The following EIF4G3 variants were observed in gnomAD, a reference collection of about 807,000 sequenced individuals.
EIF4G3 encodes the protein eukaryotic translation initiation factor 4 gamma 3.
In EIF4G3, 34 loss-of-function variants were observed where a neutral mutation model predicts 186.4. That is an observed-to-expected ratio of 0.18 (90% CI 0.14 to 0.24). The LOEUF (loss-of-function observed/expected upper bound fraction) is 0.24. Among genes scored for constraint, EIF4G3 ranks in the 10% least tolerant of loss-of-function variants. The pLI is 1.00. For missense variants in EIF4G3, 1,536 were observed against 1,948.5 expected, an observed-to-expected ratio of 0.79 and a Z score of 3.99; for synonymous variants, 673 against 679.5, an observed-to-expected ratio of 0.99 and a Z score of 0.15.
At chr1:21,088,729 G>C (rs1016260593) in intron 3 of EIF4G3, among the ~76,000 whole-genome samples, 3 of 152,188 alleles carry the variant, frequency 2.0e-5, no homozygotes, top group East Asian at 3.9e-4. Flanking sequence ...GCCAGGTGTG[G>C]TGGCACGTGC....
chr1:21,115,300 A>G (rs2096797458), intron 2 of EIF4G3, among the ~76,000 whole-genome samples: 1 of 152,200 alleles, frequency 6.6e-6, no homozygotes, highest in Non-Finnish European at 1.5e-5. Context: ...GGAAAGAGCA[A>G]GGTCCATGGG....
chr1:21,135,748 T>A (rs1048489951), intron 2 of EIF4G3, among the ~76,000 whole-genome samples: 1 of 152,168 alleles, frequency 6.6e-6, no homozygotes, highest in African/African-American at 2.4e-5. Context: ...CATGTATAAC[T>A]AATATGGGTA....
At chr1:20,965,508 T>C (rs975803895) in intron 12 of EIF4G3, among the ~76,000 whole-genome samples, 13 of 152,312 alleles carry the variant, frequency 8.5e-5, no homozygotes, top group African/African-American at 3.1e-4. Flanking sequence ...AGTCCTTATC[T>C]AGTTAGTAAC....
chr1:20,845,178 T>C (rs1265009579), intron 29 of EIF4G3, among the ~76,000 whole-genome samples: 9 of 152,212 alleles, frequency 5.9e-5, no homozygotes, highest in Non-Finnish European at 7.3e-5. Context: ...CGCTTATGAC[T>C]AGCCAGGTAT....
intron 3 of EIF4G3, among the ~76,000 whole-genome samples, chr1:21,080,511 C>T (rs1048645637): frequency 7.9e-5 from 12 of 151,646 alleles, no homozygotes; most frequent in African/African-American, 2.9e-4. Flanking sequence ...TTCTTTCTTC[C>T]TTTATTTTTT....
At chr1:20,837,453 C>T (rs2067094064) in intron 30 of EIF4G3, among the ~76,000 whole-genome samples, 1 of 152,180 alleles carries the variant, frequency 6.6e-6, no homozygotes, top group African/African-American at 2.4e-5. Context: ...ATCCACCTGC[C>T]TCGGCCTCCC....
chr1:20,812,158 C>T (rs1168718428), intron 35 of EIF4G3, among the ~76,000 whole-genome samples: 3 of 152,160 alleles, frequency 2.0e-5, no homozygotes, highest in Non-Finnish European at 2.9e-5. Flanking sequence ...CATCGTGGCT[C>T]ATGCCTGTAA....
At chr1:21,114,329 T>C (rs1469778442) in intron 2 of EIF4G3, among the ~76,000 whole-genome samples, 8 of 152,082 alleles carry the variant, frequency 5.3e-5, no homozygotes, top group African/African-American at 1.9e-4. Flanking sequence ...GTATTTTTAG[T>C]AGAGACGGGG....
chr1:20,892,648 G>A lies in EIF4G3; in HGVS notation c.2253+869C>T, dbSNP rs985917645. 17 of 1,536,008 alleles carry A rather than the reference G, an allele frequency of 1.1e-5. No individual in the cohort carries two copies. In the Admixed American group the frequency reaches 2.4e-4, roughly 21 times the overall value. ...AGAGGCAGGCTCTTCATGGGTGGGT[G>A]TGACATCACCAGTGGAGGGCAAGTT... On this transcript the variant is annotated intron_variant, in intron 18 of 36. Transcript: ENST00000602326.
intron 19 of EIF4G3, among the ~76,000 whole-genome samples, chr1:20,882,925 C>CA (rs2082862066): frequency 1.3e-5 from 2 of 150,594 alleles, no homozygotes; most frequent in East Asian, 2.0e-4. Context: ...CTGGTCTCTA[C>CA]AAAAAAATCA....
At chr1:20,828,029 G>GTTTT (rs67354523) in intron 31 of EIF4G3, among the ~76,000 whole-genome samples, 20 of 127,394 alleles carry the variant, frequency 1.6e-4, no homozygotes, top group Admixed American at 2.4e-4. Flanking sequence ...CTTTTATAAA[G>GTTTT]TTTTTTTTTT....
intron 14 of EIF4G3, among the ~76,000 whole-genome samples, chr1:20,932,945 C>T (rs1188768253): frequency 6.6e-6 from 1 of 152,028 alleles, no homozygotes; most frequent in Non-Finnish European, 1.5e-5. Context: ...AAGAGAAGTG[C>T]AATAAAATGA....
chr1:21,112,387 T>TA (rs1472278249), intron 2 of EIF4G3, among the ~76,000 whole-genome samples: 2 of 152,108 alleles, frequency 1.3e-5, no homozygotes, highest in Admixed American at 1.3e-4. Flanking sequence ...ATAAACAAAA[T>TA]AAAATTTTTG....
intron 2 of EIF4G3, among the ~76,000 whole-genome samples, chr1:21,144,923 T>C (rs1179382895): frequency 6.6e-6 from 1 of 152,174 alleles, no homozygotes; most frequent in Non-Finnish European, 1.5e-5. Context: ...GCATGTGCCT[T>C]GTTAAATAGT....
Position 20,817,413 on chromosome 1 carries a change from T to C in EIF4G3, c.4494A>G (p.Glu1498=). The C allele has an allele frequency of 6.2e-7, 1 of 1,602,166 alleles. No individual in the cohort carries two copies. Among genetic ancestry groups the C allele is most frequent in the African/African-American group, 1.3e-5 (1 of 74,846 alleles). The change falls in exon 34 of 37, where the codon GAA becomes GAG. Residue 1498 remains glutamate (E), a synonymous_variant. Coordinates refer to ENST00000602326, the MANE Select transcript of EIF4G3 (RefSeq NM_001391906.1). The part of the protein sequence containing the change: ...KLIIEDKAND[E]QIFDWVEANL... ...ATACCTCTACCCAGTCAAAGATCTG[T>C]TCATCATTCGCTTTGTCCTCAATAA...
intron 7 of EIF4G3, among the ~76,000 whole-genome samples, chr1:20,989,079 AGG>A (rs2080331145): frequency 1.5e-5 from 1 of 67,654 alleles, no homozygotes; most frequent in Non-Finnish European, 2.8e-5. Flanking sequence ...AGGGGAGGGG[AGG>A]GGAGAGGAGA....
chr1:20,863,522 G>A (rs1204169377), intron 22 of EIF4G3, among the ~76,000 whole-genome samples: 1 of 139,550 alleles, frequency 7.2e-6, no homozygotes, highest in Non-Finnish European at 1.5e-5. Flanking sequence ...TTGGCTCACT[G>A]CAACCTCTGC....
intron 14 of EIF4G3, among the ~76,000 whole-genome samples, chr1:20,925,857 T>C (rs1434567685): frequency 2.0e-5 from 3 of 152,174 alleles, no homozygotes; most frequent in African/African-American, 7.2e-5. Context: ...AACACTGCAT[T>C]AAGTATTAAG....
At chr1:20,849,046 C>CAAAAAAAA (rs60344352) in intron 29 of EIF4G3, among the ~76,000 whole-genome samples, 3 of 17,398 alleles carry the variant, frequency 1.7e-4, no homozygotes, top group African/African-American at 4.8e-4. Context: ...GACTCTGTCT[C>CAAAAAAAA]AAAAAAAAAA....
Sources: allele counts gnomAD v4.1 joint callset (sites outside exome capture counted in the v4.1 genomes callset), GRCh38; gene constraint gnomAD v4.1.1; transcripts MANE v1.5; gene names NCBI Gene and HGNC (gene_info 2026-07-23, HGNC 2026-07-21).